Variants in TUSC3 observed in about 807,000 individuals in gnomAD.
TUSC3 encodes tumor suppressor candidate 3.
In TUSC3, 45 loss-of-function variants were observed where a neutral mutation model predicts 44.8. That is an observed-to-expected ratio of 1.00 (90% CI 0.79 to 1.29). TUSC3 has a LOEUF of 1.29. TUSC3 is among the 50% of genes most tolerant of loss of function. The pLI is 0.00. For missense variants in TUSC3, 519 were observed against 437.9 expected (o/e 1.19, Z -1.65); for synonymous variants, 212 against 152.9 (o/e 1.39, Z -2.85).
intron 6 of TUSC3, among the ~76,000 whole-genome samples, chr8:15,674,208 A>G (rs1422029470): frequency 6.6e-6 from 1 of 152,050 alleles, no homozygotes; most frequent in Non-Finnish European, 1.5e-5. Flanking sequence ...AATTTTCTTC[A>G]GAAGGGATTA....
chr8:15,500,334 T>G (rs1032018682), intron 2 of TUSC3, among the ~76,000 whole-genome samples: 4 of 152,224 alleles, frequency 2.6e-5, no homozygotes, highest in Non-Finnish European at 5.9e-5. Flanking sequence ...TCAAAAGCCA[T>G]TATTTTATGT....
intron 5 of TUSC3, among the ~76,000 whole-genome samples, chr8:15,668,941 GA>G (rs1807805648): frequency 6.6e-6 from 1 of 151,714 alleles, no homozygotes; most frequent in Non-Finnish European, 1.5e-5. Flanking sequence ...GTGGTAAATG[GA>G]TAAGTTTCCC....
At chr8:15,705,993 C>T (rs1809600434) in intron 6 of TUSC3, among the ~76,000 whole-genome samples, 1 of 151,894 alleles carries the variant, frequency 6.6e-6, no homozygotes, top group Non-Finnish European at 1.5e-5. Flanking sequence ...GTTAAGTACT[C>T]TTTAAAGATA....
intron 6 of TUSC3, among the ~76,000 whole-genome samples, chr8:15,706,654 CA>C (rs1333068052): frequency 6.6e-6 from 1 of 151,884 alleles, no homozygotes; most frequent in Non-Finnish European, 1.5e-5. Context: ...GATTTTAATA[CA>C]AGATGTTAAT....
intron 2 of TUSC3, among the ~76,000 whole-genome samples, chr8:15,511,896 G>C (rs968738152): frequency 1.3e-5 from 2 of 151,900 alleles, no homozygotes; most frequent in African/African-American, 2.4e-5. Context: ...TAAATGAATG[G>C]AGCATGGATC....
intron 1 of TUSC3, among the ~76,000 whole-genome samples, chr8:15,456,463 A>G (rs1021168912): frequency 6.6e-6 from 1 of 152,200 alleles, no homozygotes; most frequent in Non-Finnish European, 1.5e-5. Context: ...CCAAGACACT[A>G]TGGAAGAATA....
At chr8:15,503,898 C>G (rs1801008156) in intron 2 of TUSC3, among the ~76,000 whole-genome samples, 1 of 151,586 alleles carries the variant, frequency 6.6e-6, no homozygotes, top group South Asian at 2.1e-4. Flanking sequence ...ACCTGTAATC[C>G]TAGCTACTTG....
the TUSC3 span, among the ~76,000 whole-genome samples, chr8:15,786,456 A>G: frequency 1.1e-4 from 16 of 152,234 alleles, no homozygotes; most frequent in Non-Finnish European, 2.2e-4. Flanking sequence ...TACTCAAAGG[A>G]CAGTAAGAAA....
Position 15,688,914 on chromosome 8 carries a change from T to A in TUSC3, c.798+15078T>A, listed in dbSNP as rs910094375. On this transcript the variant is annotated intron_variant, in intron 6 of 10. Coordinates refer to ENST00000503731, the MANE Select transcript of TUSC3 (RefSeq NM_006765.4). The stretch of plus-strand genomic sequence containing the variant: ...AGTGTTTCCAGGAGCGGTTTGTCAG[T>A]GCACCAGGGGTCGCCTGCTTGAGGG... 3.4e-5 allele frequency: 6 copies of A among 176,906 alleles called. No individual in the cohort carries two copies. The South Asian group carries it at 7.4e-4, about 22-fold the overall frequency. 11.0% of individuals were successfully genotyped at this position (176,906 alleles called of 1,614,324 possible).
intron 6 of TUSC3, among the ~76,000 whole-genome samples, chr8:15,693,694 T>C (rs979250368): frequency 6.6e-6 from 1 of 152,196 alleles, no homozygotes; most frequent in Admixed American, 6.5e-5. Context: ...TTGGCCTCTC[T>C]GGCAAGCTTG....
chr8:15,432,598 A>C (rs1331544442), intron 1 of TUSC3, among the ~76,000 whole-genome samples: 1 of 152,138 alleles, frequency 6.6e-6, no homozygotes, highest in Non-Finnish European at 1.5e-5. Flanking sequence ...TGTACTGATA[A>C]AAGAAAGTGC....
chr8:15,757,707 T>C, intron 9 of TUSC3, 84 bp from the exon 10 acceptor site: 1 of 1,453,192 alleles, frequency 6.9e-7, no homozygotes, highest in Non-Finnish European at 9.7e-7. Context: ...TGCTAAATCT[T>C]GTAATAATAT....
At chr8:15,832,909 A>C in the TUSC3 span, among the ~76,000 whole-genome samples, 1 of 152,130 alleles carries the variant, frequency 6.6e-6, no homozygotes, top group Admixed American at 6.6e-5. Context: ...CCAGATTGGA[A>C]CTCATCACTG....
chr8:15,751,578 A>G (rs1022079762), intron 9 of TUSC3, among the ~76,000 whole-genome samples: 22 of 152,170 alleles, frequency 1.4e-4, no homozygotes, highest in Non-Finnish European at 2.9e-4. Context: ...TAGAACTTTG[A>G]AGCCAGTCTA....
intron 1 of TUSC3, among the ~76,000 whole-genome samples, chr8:15,601,669 G>T (rs1043629426): frequency 6.6e-6 from 1 of 151,536 alleles, no homozygotes; most frequent in African/African-American, 2.4e-5. Context: ...AGGGCCATTG[G>T]TTTATTATTA....
chr8:15,845,316 G>A, the TUSC3 span, among the ~76,000 whole-genome samples: 9 of 152,024 alleles, frequency 5.9e-5, no homozygotes, highest in South Asian at 1.9e-3. Flanking sequence ...TTTGATTTAA[G>A]TGAGGGTTTC....
chr8:15,846,363 C>G, the TUSC3 span, among the ~76,000 whole-genome samples: 1 of 152,094 alleles, frequency 6.6e-6, no homozygotes, highest in African/African-American at 2.4e-5. Context: ...CCCATTACTG[C>G]TACTGAATAT....
At chr8:15,831,277 A>G in the TUSC3 span, among the ~76,000 whole-genome samples, 1 of 152,210 alleles carries the variant, frequency 6.6e-6, no homozygotes, top group African/African-American at 2.4e-5. Flanking sequence ...AACAAATAGG[A>G]TAAAAGAAAA....
the TUSC3 span, chr8:15,807,375 G>T: frequency 3.0e-6 from 1 of 337,624 alleles, no homozygotes; most frequent in Non-Finnish European, 5.5e-6. Context: ...ACAAAACAAG[G>T]CTGTGGAGAG....
Sources: allele counts gnomAD v4.1 joint callset (sites outside exome capture counted in the v4.1 genomes callset), GRCh38; gene constraint gnomAD v4.1.1; transcripts MANE v1.5; gene names NCBI Gene and HGNC (gene_info 2026-07-23, HGNC 2026-07-21).